The following TESMIN variants were observed in gnomAD, a reference collection of about 807,000 sequenced individuals.
The protein encoded by TESMIN is testis expressed metallothionein like protein.
Under a neutral mutation model 47.4 loss-of-function variants are expected in TESMIN, and 34 were observed. The ratio of observed to expected loss-of-function variants is 0.72; its 90% CI spans 0.55 to 0.96. The LOEUF (loss-of-function observed/expected upper bound fraction) is 0.96. TESMIN is among the 40% of genes least tolerant of loss of function. The pLI, the probability that TESMIN is intolerant of heterozygous loss-of-function variation, is 0.00. For synonymous variants in TESMIN, 278 were observed against 258.9 expected (o/e 1.07, Z -0.71); for missense variants, 610 against 637.2 (o/e 0.96, Z 0.46).
Position 68,750,287 on chromosome 11 carries a change from A to G in TESMIN, c.374T>C (p.Leu125Pro). ...GCGGTGCGCGGGTAGCAGCGAGGACAGGAAGTGCACGTTGCAGGCGGGCGG... is the reference window on the plus strand; with the variant it reads ...GCGGTGCGCGGGTAGCAGCGAGGACGGGAAGTGCACGTTGCAGGCGGGCGG... Reference protein sequence around the residue: ...PQPPACNVHFLSSLLPAHRSP... With the variant: ...PQPPACNVHFPSSLLPAHRSP... The change falls in exon 2 of 10, where the codon CTG (leucine) becomes CCG (proline). Residue 125 changes from leucine (L) to proline (P), a missense_variant. Coordinates refer to ENST00000255087, the MANE Select transcript of TESMIN (RefSeq NM_004923.3). 1 of 1,553,192 alleles carries G rather than the reference A, an allele frequency of 6.4e-7. No homozygotes were observed. The highest frequency in any genetic ancestry group is 1.4e-5 in the African/African-American group (1 of 71,516).
intron 6 of TESMIN, among the ~76,000 whole-genome samples, chr11:68,720,135 C>T (rs1946188262): frequency 6.6e-6 from 1 of 152,212 alleles, no homozygotes; most frequent in African/African-American, 2.4e-5. Context: ...AAAAACCTGA[C>T]AACCTAGAAT....
Position 68,708,407 on chromosome 11 carries a change from G to A in TESMIN, c.1428C>T (p.Ser476=). 1 of 1,614,190 alleles carries A rather than the reference G, an allele frequency of 6.2e-7. No homozygotes were observed. Among genetic ancestry groups the A allele is most frequent in the Non-Finnish European group, 8.5e-7 (1 of 1,180,018 alleles). Residue 476 remains serine (S), a synonymous_variant, in exon 10 of 10, where the codon TCC becomes TCT. Coordinates refer to ENST00000255087, the MANE Select transcript of TESMIN (RefSeq NM_004923.3). ...GGATCATCTGCTCTGCCAGGCACTT[G>A]GAGCAGTGTTCTTTCTCGGCCTCTT... ...QGEEAEKEHC[S]KCLAEQMILE...
chr11:68,711,160 A>G (rs1290348781), intron 8 of TESMIN, 111 bp from the exon 9 acceptor site: 1 of 956,702 alleles, frequency 1.0e-6, no homozygotes, highest in Non-Finnish European at 1.6e-6. Context: ...CCCATGACAG[A>G]GAGTGTGTGT....
downstream of TESMIN, chr11:68,707,320 C>T (rs1946008229): frequency 6.5e-6 from 1 of 155,032 alleles, no homozygotes; most frequent in African/African-American, 2.4e-5. Flanking sequence ...TCCTGAACAC[C>T]CTCTAAGTGG....
chr11:68,738,320 A>G, intron 6 of TESMIN: 1 of 1,016,046 alleles, frequency 9.8e-7, no homozygotes, highest in Non-Finnish European at 1.2e-6. Context: ...CCCCCCGTTC[A>G]TGCTGCATGG....
intron 5 of TESMIN, among the ~76,000 whole-genome samples, chr11:68,739,980 T>C (rs1236720123): frequency 6.6e-6 from 1 of 152,198 alleles, no homozygotes; most frequent in African/African-American, 2.4e-5. Flanking sequence ...AGCCCCAAAG[T>C]AAAGCAGAGA....
At chr11:68,722,877 A>G (rs1419361427) in intron 6 of TESMIN, among the ~76,000 whole-genome samples, 1 of 152,234 alleles carries the variant, frequency 6.6e-6, no homozygotes, top group Non-Finnish European at 1.5e-5. Context: ...GCAATCATGA[A>G]TTTGTATGAC....
intron 6 of TESMIN, chr11:68,738,486 TG>T: frequency 2.2e-6 from 3 of 1,361,214 alleles, no homozygotes; most frequent in South Asian, 1.6e-5. Context: ...ATGCAGGTTA[TG>T]GGCCAGACTT....
At chr11:68,718,158 C>A (rs9667114) in intron 6 of TESMIN, among the ~76,000 whole-genome samples, 1 of 44,072 alleles carries the variant, frequency 2.3e-5, no homozygotes, top group Non-Finnish European at 5.3e-5. Flanking sequence ...GTCAGCCCAC[C>A]CCTCACCTGC....
intron 4 of TESMIN, 87 bp from the exon 5 acceptor site, chr11:68,742,481 G>A: frequency 1.3e-6 from 1 of 772,546 alleles, no homozygotes; most frequent in Non-Finnish European, 2.1e-6. Context: ...AGTCTGTTAT[G>A]GACATGTCCT....
chr11:68,737,007 G>C lies in TESMIN; in HGVS notation c.917+1693C>G, dbSNP rs930877841. On this transcript the variant is annotated intron_variant, in intron 6 of 9. Coordinates refer to ENST00000255087, the MANE Select transcript of TESMIN (RefSeq NM_004923.3). ...AGTATGAGAAGTATCAAATGTCCTTGAATGTTCTAGACACAATACAGCACA... is the reference window on the plus strand; with the variant it reads ...AGTATGAGAAGTATCAAATGTCCTTCAATGTTCTAGACACAATACAGCACA... 5.1e-6 allele frequency: 5 copies of C among 985,256 alleles called. No homozygotes were observed. In the African/African-American group the frequency reaches 7.0e-5, roughly 14 times the overall value. 61.0% of individuals were successfully genotyped at this position (985,256 alleles called of 1,614,324 possible). A position where few individuals can be genotyped will look rare whatever the true frequency, so the allele number is the denominator to read the frequency against.
intron 6 of TESMIN, among the ~76,000 whole-genome samples, chr11:68,733,180 AG>A (rs1000270457): frequency 6.6e-6 from 1 of 152,208 alleles, no homozygotes. Flanking sequence ...GTCTACTTCC[AG>A]CCCCCGACTC....
intron 4 of TESMIN, among the ~76,000 whole-genome samples, chr11:68,743,820 G>A (rs368283273): frequency 1.1e-4 from 16 of 152,262 alleles, no homozygotes; most frequent in African/African-American, 2.9e-4. Flanking sequence ...CAGGATGCAC[G>A]TACTTTATTG....
chr11:68,743,125 G>A (rs1946478328), intron 4 of TESMIN, among the ~76,000 whole-genome samples: 1 of 152,196 alleles, frequency 6.6e-6, no homozygotes, highest in East Asian at 1.9e-4. Context: ...CAATCCTCCG[G>A]CCTGGCCTCA....
chr11:68,708,160 A>G lies in TESMIN; in HGVS notation c.*148T>C, dbSNP rs1264149496. On this transcript the variant is annotated 3_prime_UTR_variant, in exon 10 of 10. Transcript: ENST00000255087. ...AGGGGGCATGGGTTGCCACATCTTC[A>G]GAGAGCTCTGAGTAAACTCCCTGGG... 1.4e-5 allele frequency: 10 copies of G among 718,232 alleles called. No homozygotes were observed. The East Asian group carries it at 2.7e-4, about 19-fold the overall frequency. 44.5% of individuals were successfully genotyped at this position (718,232 alleles called of 1,614,324 possible).
intron 6 of TESMIN, among the ~76,000 whole-genome samples, chr11:68,726,861 T>C (rs1946270065): frequency 6.6e-6 from 1 of 151,960 alleles, no homozygotes; most frequent in South Asian, 2.1e-4. Flanking sequence ...GAGGATTCCT[T>C]GAGCTCAGGA....
chr11:68,719,796 T>A (rs1424953632), intron 6 of TESMIN, among the ~76,000 whole-genome samples: 4 of 152,092 alleles, frequency 2.6e-5, no homozygotes, highest in Non-Finnish European at 1.5e-5. Flanking sequence ...AGATTGCAAA[T>A]ATACAAGAGA....
intron 6 of TESMIN, among the ~76,000 whole-genome samples, chr11:68,723,010 A>C (rs1946220650): frequency 6.6e-6 from 1 of 152,218 alleles, no homozygotes; most frequent in African/African-American, 2.4e-5. Flanking sequence ...AATCACACAA[A>C]ATTGAATAAG....
chr11:68,710,995 C>T lies in TESMIN; in HGVS notation c.1213G>A (p.Glu405Lys). ...ATTAGTGTCTTTCGTTCTGGGCTTTCTTCATAATTTTTGCAACCAATGCAT... is the reference window on the plus strand; with the variant it reads ...ATTAGTGTCTTTCGTTCTGGGCTTTTTTCATAATTTTTGCAACCAATGCAT... ...CKCIGCKNYEESPERKTLMSM... is the reference protein window; with the variant it reads ...CKCIGCKNYEKSPERKTLMSM... Residue 405 changes from glutamate (E) to lysine (K), a missense_variant, in exon 9 of 10, where the codon GAA becomes AAA. By Grantham distance (56) the Glu-to-Lys change is moderately conservative (BLOSUM62 1). Coordinates refer to ENST00000255087, the MANE Select transcript of TESMIN (RefSeq NM_004923.3). 6.2e-7 allele frequency: 1 copy of T among 1,613,654 alleles called. No homozygotes were observed. The highest frequency in any genetic ancestry group is 1.3e-5 in the African/African-American group (1 of 75,028).
Sources: gnomAD v4.1 joint callset for allele counts (sites outside exome capture counted in the v4.1 genomes callset) on GRCh38, gnomAD v4.1.1 for gene constraint, MANE v1.5 for transcripts, NCBI Gene and HGNC (gene_info 2026-07-23, HGNC 2026-07-21) for gene names.